The following CNGB3 variants were observed in gnomAD, a reference collection of about 807,000 sequenced individuals.
CNGB3 encodes cyclic nucleotide-gated channel beta-3.
In CNGB3, 86 loss-of-function variants were observed where a neutral mutation model predicts 92.8. The observed-to-expected ratio is 0.93, with a 90% confidence interval of 0.78 to 1.11. CNGB3 has a LOEUF of 1.11. Ranked by LOEUF, CNGB3 falls within the 50% of genes least tolerant of loss-of-function variation. CNGB3 has a pLI of 0.00. For synonymous variants in CNGB3, 333 were observed against 332.7 expected (o/e 1.00, Z -0.01); for missense variants, 1,026 against 956.8 (o/e 1.07, Z -0.95).
At chr8:86,605,272 G>A (rs1822390819) in intron 14 of CNGB3, among the ~76,000 whole-genome samples, 1 of 152,102 alleles carries the variant, frequency 6.6e-6, no homozygotes, top group African/African-American at 2.4e-5. Flanking sequence ...GTGGTTATGA[G>A]GCCCTTGGAA....
At chr8:86,735,195 T>G (rs1400723641) in intron 2 of CNGB3, among the ~76,000 whole-genome samples, 1 of 116,776 alleles carries the variant, frequency 8.6e-6, no homozygotes, top group African/African-American at 3.4e-5. Flanking sequence ...CAGGCTGGAG[T>G]GCAGTGGCGC....
At chr8:86,584,759 C>A (rs1821860797) in intron 15 of CNGB3, among the ~76,000 whole-genome samples, 1 of 152,034 alleles carries the variant, frequency 6.6e-6, no homozygotes, top group African/African-American at 2.4e-5. Context: ...AGCAATGGAC[C>A]AGGAAACAAA....
chr8:86,648,514 A>C (rs1012260935), intron 7 of CNGB3, among the ~76,000 whole-genome samples: 1 of 151,276 alleles, frequency 6.6e-6, no homozygotes, highest in Non-Finnish European at 1.5e-5. Context: ...AAGGTATTGA[A>C]AATATTATTA....
At chr8:86,622,188 G>A (rs1822749732) in intron 13 of CNGB3, among the ~76,000 whole-genome samples, 1 of 152,140 alleles carries the variant, frequency 6.6e-6, no homozygotes, top group Admixed American at 6.5e-5. Context: ...ATGTAGTAGA[G>A]GTGTCTGCAA....
chr8:86,584,731 T>TA (rs1563715078), intron 15 of CNGB3, among the ~76,000 whole-genome samples: 1 of 152,140 alleles, frequency 6.6e-6, no homozygotes, highest in African/African-American at 2.4e-5. Context: ...TTTCCCTAGG[T>TA]AAAAATAGAG....
chr8:86,665,020 T>C (rs748785607), intron 6 of CNGB3, among the ~76,000 whole-genome samples: 3 of 152,202 alleles, frequency 2.0e-5, no homozygotes, highest in Non-Finnish European at 4.4e-5. Context: ...GAAACCTGAA[T>C]GTTTAATGGT....
In CNGB3 at chr8:86,636,572, C is replaced by CAAAAAAAAAAAAAA. The variant is rs57907634; in HGVS notation, c.1179-3693_1179-3680dup. On this transcript the variant is annotated intron_variant, in intron 10 of 17. Transcript: ENST00000320005. Reference sequence around the variant, plus strand: ...GGGGTGACAGAGTAAGACCCTGTCTCAAAAAAAAAAAAAAAAAAAAAAAAA... The same window carrying CAAAAAAAAAAAAAA: ...GGGGTGACAGAGTAAGACCCTGTCTCAAAAAAAAAAAAAAAAAAAAAAAAAAAAAAAAAAAAAAA... Among the ~76,000 whole-genome samples, 7 of 40,098 alleles carry CAAAAAAAAAAAAAA rather than the reference C, an allele frequency of 1.7e-4. 1 individual carries two copies. Among genetic ancestry groups the CAAAAAAAAAAAAAA allele is most frequent in the Non-Finnish European group, 2.5e-4 (6 of 24,162 alleles). The allele number at this position is 40,098 out of a possible 152,430, so 26.3% of individuals were successfully genotyped here. A position where few individuals can be genotyped will look rare whatever the true frequency, so the allele number is the denominator to read the frequency against.
In CNGB3 at chr8:86,717,327, C is replaced by T. The variant is rs368276873; in HGVS notation, c.338+9204G>A. ...CTGTAATCTCAGCACTTTGAGAGGCCAAGGCAGGAGGATCACTTGAGGTCA... is the reference window on the plus strand; with the variant it reads ...CTGTAATCTCAGCACTTTGAGAGGCTAAGGCAGGAGGATCACTTGAGGTCA... On this transcript the variant is annotated intron_variant, in intron 3 of 17. Transcript: ENST00000320005. Among the ~76,000 whole-genome samples, 18 of 152,026 alleles carry T rather than the reference C, an allele frequency of 1.2e-4. 1 individual carries two copies. The highest frequency in any genetic ancestry group is 5.9e-4 in the Admixed American group (9 of 15,260).
chr8:86,638,561 A>G (rs1823118331), intron 10 of CNGB3, among the ~76,000 whole-genome samples: 1 of 152,152 alleles, frequency 6.6e-6, no homozygotes, highest in African/African-American at 2.4e-5. Context: ...TATTACTGGA[A>G]GCAATGGCTA....
chr8:86,659,193 G>A (rs576393708), intron 6 of CNGB3: 7 of 715,090 alleles, frequency 9.8e-6, no homozygotes, highest in East Asian at 5.0e-5. Context: ...CTCTGACATC[G>A]GCTGCATCCT....
At chr8:86,606,858 A>G (rs900886007) in intron 14 of CNGB3, among the ~76,000 whole-genome samples, 1 of 152,216 alleles carries the variant, frequency 6.6e-6, no homozygotes, top group African/African-American at 2.4e-5. Flanking sequence ...CTGACTCTAT[A>G]TAATACATGA....
chr8:86,635,002 GA>G (rs1307310206), intron 10 of CNGB3, among the ~76,000 whole-genome samples: 1 of 150,792 alleles, frequency 6.6e-6, no homozygotes, highest in African/African-American at 2.4e-5. Context: ...TATAGGAACA[GA>G]AAAAATAATG....
chr8:86,579,183 T>A lies in CNGB3; in HGVS notation c.1851A>T (p.Leu617Phe), dbSNP rs1821714948. 1 of 1,614,174 alleles carries A rather than the reference T, an allele frequency of 6.2e-7. No homozygotes were observed. Among genetic ancestry groups the A allele is most frequent in the Non-Finnish European group, 8.5e-7 (1 of 1,180,010 alleles). ...CTTGGAGGGTCTTTTTGTCTAGAGTTAAAAGATTGGCAAACCCGTGGGCCA... is the reference window on the plus strand; with the variant it reads ...CTTGGAGGGTCTTTTTGTCTAGAGTAAAAAGATTGGCAAACCCGTGGGCCA... ...NVVAHGFANL[L>F]TLDKKTLQEI... Residue 617 changes from leucine to phenylalanine, a missense_variant, in exon 16 of 18, where the codon TTA becomes TTT. Transcript: ENST00000320005.
intron 13 of CNGB3, among the ~76,000 whole-genome samples, chr8:86,624,997 T>G (rs746323713): frequency 1.3e-5 from 2 of 152,126 alleles, no homozygotes; most frequent in Non-Finnish European, 2.9e-5. Context: ...TCCTGCTATA[T>G]AAGATGCCTG....
intron 15 of CNGB3, among the ~76,000 whole-genome samples, chr8:86,579,746 C>A (rs768307851): frequency 4.6e-5 from 7 of 152,148 alleles, no homozygotes; most frequent in Non-Finnish European, 7.3e-5. Context: ...TCCTGCCAAG[C>A]CTTAGGTTAG....
At position 86,611,582 on chromosome 8, in the gene CNGB3, A is replaced by G. The variant is rs757475831; in HGVS notation, c.1662+6T>C. ...GTTGTGCATTTGAAAAATAGCATGC[A>G]CTCACCTTTTTGCAGACAAAGTCAC... is the stretch of plus-strand genomic sequence containing the variant. On this transcript the variant is annotated splice_donor_region_variant and intron_variant, in intron 14 of 17. Transcript: ENST00000320005. The G allele has an allele frequency of 6.2e-7, 1 of 1,607,666 alleles. No individual in the cohort carries two copies. Among genetic ancestry groups the G allele is most frequent in the African/African-American group, 1.3e-5 (1 of 74,736 alleles).
chr8:86,686,962 T>C (rs1029537872), intron 3 of CNGB3, among the ~76,000 whole-genome samples: 3 of 152,052 alleles, frequency 2.0e-5, no homozygotes, highest in South Asian at 2.1e-4. Context: ...AATTTCAACA[T>C]AGAATTTTCA....
chr8:86,643,124 A>G lies in CNGB3; in HGVS notation c.1178+627T>C, dbSNP rs548979081. Among the ~76,000 whole-genome samples, 3 of 150,980 alleles carry G rather than the reference A, an allele frequency of 2.0e-5. No individual in the cohort carries two copies. The South Asian group carries it at 6.3e-4, about 32-fold the overall frequency. On this transcript the variant is annotated intron_variant, in intron 10 of 17. Transcript: ENST00000320005. ...CACACACACACACACACACTCCCCT[A>G]CTATCTATCAGACTCTGATATTTTC...
intron 3 of CNGB3, among the ~76,000 whole-genome samples, chr8:86,714,877 C>A (rs1291546181): frequency 1.3e-5 from 2 of 152,076 alleles, no homozygotes; most frequent in East Asian, 1.9e-4. Context: ...TGCTTTCCCC[C>A]ACTTCCCTGG....
Sources: gnomAD v4.1 joint callset for allele counts (sites outside exome capture counted in the v4.1 genomes callset) on GRCh38, gnomAD v4.1.1 for gene constraint, MANE v1.5 for transcripts, NCBI Gene and HGNC (gene_info 2026-07-23, HGNC 2026-07-21) for gene names.